PLB1: variants seen among roughly 807,000 people sequenced by gnomAD.
PLB1 encodes the protein phospholipase B1.
Under a neutral mutation model 227.4 loss-of-function variants are expected in PLB1, and 242 were observed. That is an observed-to-expected ratio of 1.06 (90% confidence interval 0.96 to 1.18). The LOEUF (loss-of-function observed/expected upper bound fraction) is 1.18, where lower values mean the gene tolerates loss of function less well. Ranked by LOEUF, PLB1 falls within the 50% of genes most tolerant of loss-of-function variation. The pLI, the probability that PLB1 is intolerant of heterozygous loss-of-function variation, is 0.00. For synonymous variants in PLB1, 757 were observed against 682.2 expected (o/e 1.11, Z -1.71); for missense variants, 1,858 against 1,816.3 (o/e 1.02, Z -0.42).
At chr2:28,628,521 C>A (rs373066108) in intron 51 of PLB1, 42 bp from the exon 52 acceptor site, 11 of 1,572,596 alleles carry the variant, frequency 7.0e-6, no homozygotes, top group South Asian at 6.6e-5. Flanking sequence ...TCTCTCAGAG[C>A]GGGCACCAGG....
rs756190834 is a variant in PLB1 at position 28,591,120 on chromosome 2, C to G, written c.2089-13C>G. 14 of 1,614,052 alleles carry G rather than the reference C, an allele frequency of 8.7e-6. No individual in the cohort carries two copies. Among genetic ancestry groups the G allele is most frequent in the Admixed American group, 1.7e-5 (1 of 60,004 alleles). ...AGAATTTGCTGCCATTGCTCACCCCCCTCTCCTCACAGGTCCAGCCGTTTC... is the reference window on the plus strand; with the variant it reads ...AGAATTTGCTGCCATTGCTCACCCCGCTCTCCTCACAGGTCCAGCCGTTTC... On this transcript the variant is annotated splice_polypyrimidine_tract_variant and intron_variant, in intron 29 of 57. Coordinates refer to ENST00000327757, the MANE Select transcript of PLB1 (RefSeq NM_153021.5).
intron 43 of PLB1, among the ~76,000 whole-genome samples, chr2:28,612,356 T>C (rs1006237290): frequency 3.9e-5 from 6 of 152,138 alleles, no homozygotes; most frequent in African/African-American, 1.4e-4. Context: ...TTTGTTGGCC[T>C]GACCTCCAGT....
At chr2:28,569,992 A>G (rs1298806206) in intron 20 of PLB1, among the ~76,000 whole-genome samples, 5 of 150,722 alleles carry the variant, frequency 3.3e-5, no homozygotes, top group Admixed American at 2.6e-4. Context: ...AAGAAAAAAG[A>G]AAATCTGAAT....
rs1433385744 is a variant in PLB1, at chr2:28,593,761, T to A, written c.2321+7T>A. 1.2e-6 allele frequency: 2 copies of A among 1,612,912 alleles called. No homozygotes were observed. Among genetic ancestry groups the A allele is most frequent in the African/African-American group, 2.7e-5 (2 of 74,898 alleles). ...ATCGGGGACTGTCATACAGGTAATGTTAACCTTTGACCTCTCCCAGCGTTC... is the reference window on the plus strand; with the variant it reads ...ATCGGGGACTGTCATACAGGTAATGATAACCTTTGACCTCTCCCAGCGTTC... On this transcript the variant is annotated splice_region_variant and intron_variant, in intron 33 of 57. Coordinates refer to ENST00000327757, the MANE Select transcript of PLB1 (RefSeq NM_153021.5).
chr2:28,506,097 G>A (rs192021567), intron 1 of PLB1, among the ~76,000 whole-genome samples: 6 of 152,296 alleles, frequency 3.9e-5, no homozygotes, highest in Non-Finnish European at 7.3e-5. Flanking sequence ...TTTTGTTACT[G>A]TCAGTTAACT....
At chr2:28,522,691 AG>A (rs1441006018) in intron 4 of PLB1, among the ~76,000 whole-genome samples, 1 of 152,156 alleles carries the variant, frequency 6.6e-6, no homozygotes, top group African/African-American at 2.4e-5. Context: ...TGAATTATTC[AG>A]GGCTGACAGC....
At chr2:28,550,832 G>T (rs376373430) in intron 16 of PLB1, among the ~76,000 whole-genome samples, 2 of 152,220 alleles carry the variant, frequency 1.3e-5, no homozygotes, top group East Asian at 3.9e-4. Context: ...GAGCCACTAC[G>T]CCCAGCCATT....
intron 9 of PLB1, among the ~76,000 whole-genome samples, chr2:28,535,595 G>A (rs1262600048): frequency 6.6e-6 from 1 of 152,162 alleles, no homozygotes; most frequent in Admixed American, 6.5e-5. Flanking sequence ...CACATCTCAG[G>A]TATAAGCTCT....
rs1430466935 is a variant in PLB1 at position 28,496,067 on chromosome 2, TG to T, written c.-47del. 5 of 1,580,644 alleles carry T rather than the reference TG, an allele frequency of 3.2e-6. No individual in the cohort carries two copies. Among genetic ancestry groups the T allele is most frequent in the Non-Finnish European group, 4.3e-6 (5 of 1,150,124 alleles). The stretch of plus-strand genomic sequence containing the variant: ...GAGGAGGTGTGATAGCCCATCCATC[TG>T]CTGGAGCAGCTCTTCCAGAGGCCCG... On this transcript the variant is annotated 5_prime_UTR_variant, in exon 1 of 58. Coordinates refer to ENST00000327757, the MANE Select transcript of PLB1 (RefSeq NM_153021.5).
chr2:28,571,220 C>G (rs1677958638), intron 20 of PLB1, among the ~76,000 whole-genome samples: 1 of 152,008 alleles, frequency 6.6e-6, no homozygotes, highest in African/African-American at 2.4e-5. Context: ...TTTACAATAG[C>G]ATCAAAAATA....
chr2:28,636,725 C>T (rs991788171), intron 56 of PLB1, among the ~76,000 whole-genome samples: 1 of 152,066 alleles, frequency 6.6e-6, no homozygotes, highest in Non-Finnish European at 1.5e-5. Flanking sequence ...AGGGAGGCCT[C>T]ACTGAAGAAG....
chr2:28,535,961 A>G (rs114004001), intron 9 of PLB1, among the ~76,000 whole-genome samples: 9,008 of 152,238 alleles, frequency 0.059, 377 homozygotes, highest in South Asian at 0.16. Flanking sequence ...GTAGAGACCC[A>G]GGGGCCACTG....
intron 19 of PLB1, 31 bp downstream of exon 19, chr2:28,565,384 C>T: frequency 1.3e-6 from 2 of 1,577,502 alleles, no homozygotes; most frequent in Admixed American, 1.8e-5. Flanking sequence ...GCCCCAAAGG[C>T]CCCTTCATTG....
chr2:28,602,550 C>A (rs1240656289), intron 38 of PLB1, among the ~76,000 whole-genome samples: 1 of 152,266 alleles, frequency 6.6e-6, no homozygotes, highest in African/African-American at 2.4e-5. Context: ...GGGCTTGCTA[C>A]ATGATGGCTA....
At chr2:28,502,196 A>C (rs530826449) in intron 1 of PLB1, among the ~76,000 whole-genome samples, 4 of 152,356 alleles carry the variant, frequency 2.6e-5, no homozygotes, top group African/African-American at 9.6e-5. Context: ...TGTCATAGGT[A>C]AGAAACATTT....
chr2:28,546,670 G>T (rs1224262284), intron 14 of PLB1, among the ~76,000 whole-genome samples: 1 of 152,140 alleles, frequency 6.6e-6, no homozygotes, highest in African/African-American at 2.4e-5. Flanking sequence ...GAGAAGAAAG[G>T]GTCAGAGCCA....
chr2:28,599,784 T>A (rs1409668669), intron 35 of PLB1, among the ~76,000 whole-genome samples: 1 of 151,770 alleles, frequency 6.6e-6, no homozygotes, highest in East Asian at 1.9e-4. Context: ...CCCAGCTAAT[T>A]TTTGTATTTT....
At chr2:28,526,243 G>C (rs1017927198) in intron 6 of PLB1, among the ~76,000 whole-genome samples, 1 of 152,072 alleles carries the variant, frequency 6.6e-6, no homozygotes, top group Admixed American at 6.6e-5. Flanking sequence ...GGGTGTCGGG[G>C]CCAGAGTCCT....
chr2:28,562,959 G>A, intron 17 of PLB1, 82 bp from the exon 18 acceptor site: 2 of 1,310,914 alleles, frequency 1.5e-6, no homozygotes, highest in South Asian at 2.4e-5. Context: ...TATCCTGGAA[G>A]TTGTTCCTTT....
Sources: allele counts gnomAD v4.1 joint callset (sites outside exome capture counted in the v4.1 genomes callset), GRCh38; gene constraint gnomAD v4.1.1; transcripts MANE v1.5; gene names NCBI Gene and HGNC (gene_info 2026-07-23, HGNC 2026-07-21).